Variants in NEDD9 observed in about 807,000 individuals in gnomAD.
NEDD9 encodes enhancer of filamentation 1.
A neutral mutation model predicts 76.6 loss-of-function variants in NEDD9; 26 were observed. The observed-to-expected ratio is 0.34, with a 90% confidence interval of 0.25 to 0.47. The LOEUF (loss-of-function observed/expected upper bound fraction) is 0.47, where lower values mean the gene tolerates loss of function less well. NEDD9 is among the 20% of genes least tolerant of loss of function. NEDD9 has a pLI of 1.00. For missense variants in NEDD9, 937 were observed against 1,058.5 expected (o/e 0.89, Z 1.59); for synonymous variants, 392 against 414.2 (o/e 0.95, Z 0.65).
intron 4 of NEDD9, 71 bp downstream of exon 4, chr6:11,192,274 C>CA: frequency 6.0e-6 from 2 of 334,348 alleles, no homozygotes; most frequent in Non-Finnish European, 1.0e-5. Context: ...CCCACCCTCC[C>CA]AACCCTGCAC....
intron 2 of NEDD9, chr6:11,306,163 C>G: frequency 2.4e-6 from 2 of 824,986 alleles, no homozygotes; most frequent in Non-Finnish European, 4.0e-6. Flanking sequence ...AATCTGAAAA[C>G]AGGAGATAGA....
At chr6:11,348,982 C>T (rs921050625) in intron 1 of NEDD9, among the ~76,000 whole-genome samples, 7 of 152,168 alleles carry the variant, frequency 4.6e-5, no homozygotes, top group Non-Finnish European at 8.8e-5. Flanking sequence ...CCATAGGGAA[C>T]AGACGACCTA....
chr6:11,317,453 G>A (rs920216970), intron 2 of NEDD9, among the ~76,000 whole-genome samples: 1 of 151,730 alleles, frequency 6.6e-6, no homozygotes, highest in Non-Finnish European at 1.5e-5. Flanking sequence ...TAGATAGGAA[G>A]ATGGTAGGAT....
At chr6:11,256,042 A>G (rs1371043005) in intron 3 of NEDD9, among the ~76,000 whole-genome samples, 1 of 152,164 alleles carries the variant, frequency 6.6e-6, no homozygotes, top group Non-Finnish European at 1.5e-5. Context: ...GTCTTGGCCC[A>G]GCAAAGTGAA....
chr6:11,305,128 T>G, intron 3 of NEDD9: 1 of 1,289,296 alleles, frequency 7.8e-7, no homozygotes, highest in Non-Finnish European at 1.0e-6. Flanking sequence ...GCCCAGAGCT[T>G]TTTTATTTGT....
intron 2 of NEDD9, among the ~76,000 whole-genome samples, chr6:11,194,698 A>G (rs1758245813): frequency 6.6e-6 from 1 of 152,222 alleles, no homozygotes; most frequent in African/African-American, 2.4e-5. Context: ...CATCCCCAAC[A>G]GTACCTACGT....
chr6:11,305,195 A>T, intron 3 of NEDD9: 5 of 1,216,912 alleles, frequency 4.1e-6, no homozygotes, highest in Non-Finnish European at 4.3e-6. Flanking sequence ...ATCTCAATAG[A>T]TAAGGGAATT....
At chr6:11,296,621 T>C (rs1397235492) in intron 3 of NEDD9, among the ~76,000 whole-genome samples, 1 of 147,390 alleles carries the variant, frequency 6.8e-6, no homozygotes, top group African/African-American at 2.6e-5. Context: ...TTCCTTCCTT[T>C]CTTTCTTCCT....
At chr6:11,186,603 A>C (rs1389036194) in intron 6 of NEDD9, among the ~76,000 whole-genome samples, 1 of 152,078 alleles carries the variant, frequency 6.6e-6, no homozygotes, top group African/African-American at 2.4e-5. Flanking sequence ...TGAGAGATGC[A>C]CAGCCAGCTT....
intron 1 of NEDD9, among the ~76,000 whole-genome samples, chr6:11,367,629 T>A (rs999435337): frequency 8.5e-5 from 13 of 152,204 alleles, no homozygotes; most frequent in African/African-American, 3.1e-4. Flanking sequence ...AGACTGTCAT[T>A]AGGTTTAGAG....
At position 11,226,800 on chromosome 6, in the gene NEDD9, A is replaced by G. The variant is rs138645333; in HGVS notation, c.12+5704T>C. On this transcript the variant is annotated intron_variant, in intron 1 of 6. Coordinates refer to ENST00000379446, the MANE Select transcript of NEDD9 (RefSeq NM_006403.4). ...TATATAACATCATATAATAGCTGCC[A>G]TTTATTAAATGCCTAATATCTGCTA... 9.4e-4 allele frequency among the ~76,000 whole-genome samples: 143 copies of G among 152,366 alleles called. 2 individuals are homozygous for G. The East Asian group carries it at 0.026, about 28-fold the overall frequency.
At chr6:11,238,990 A>T (rs6457161) in intron 3 of NEDD9, among the ~76,000 whole-genome samples, 3 of 151,754 alleles carry the variant, frequency 2.0e-5, no homozygotes, top group Admixed American at 2.0e-4. Context: ...CAAGACTCCA[A>T]CTCTACAGAA....
intron 2 of NEDD9, among the ~76,000 whole-genome samples, chr6:11,308,533 C>G (rs182289961): frequency 9.5e-4 from 145 of 151,898 alleles, no homozygotes; most frequent in African/African-American, 3.3e-3. Context: ...CTACGCTGGG[C>G]TAATTTTTTG....
At chr6:11,230,201 G>T (rs759431635) in intron 1 of NEDD9, among the ~76,000 whole-genome samples, 4 of 152,168 alleles carry the variant, frequency 2.6e-5, no homozygotes, top group Non-Finnish European at 4.4e-5. Context: ...AAATTATCCT[G>T]CAGGAATACT....
intron 1 of NEDD9, among the ~76,000 whole-genome samples, chr6:11,378,837 T>G (rs1240669674): frequency 6.6e-6 from 1 of 152,194 alleles, no homozygotes; most frequent in African/African-American, 2.4e-5. Flanking sequence ...TGAAAAGGAA[T>G]GCAGATGAAG....
chr6:11,256,175 G>A (rs556021860), intron 3 of NEDD9, among the ~76,000 whole-genome samples: 1 of 152,300 alleles, frequency 6.6e-6, no homozygotes, highest in Non-Finnish European at 1.5e-5. Flanking sequence ...AGAGAGTTAG[G>A]GGAATGTAGG....
In NEDD9 at chr6:11,241,520, A is replaced by G. The variant is rs1759706721; in HGVS notation, c.13-27793T>C. ...TAGATGGGCTGGATTTTCTGTTTCC[A>G]ATCTACTTCCGAGCTTTGCCATTCT... On this transcript the variant is annotated intron_variant, in intron 3 of 3. Coordinates refer to the NEDD9 transcript ENST00000397378. The surrounding 1 kb of genome is among the most constrained non-coding windows in gnomAD (Gnocchi z 4.0). Among the ~76,000 whole-genome samples the G allele has an allele frequency of 6.6e-6, 1 of 152,122 alleles. No homozygotes were observed. Among genetic ancestry groups the G allele is most frequent in the South Asian group, 2.1e-4 (1 of 4,824 alleles).
At chr6:11,200,280 G>T (rs1395362760) in intron 2 of NEDD9, 3 of 457,834 alleles carry the variant, frequency 6.6e-6, no homozygotes, top group Admixed American at 4.7e-5. Flanking sequence ...CCCTTGCACA[G>T]GCTGAAGACA....
intron 2 of NEDD9, among the ~76,000 whole-genome samples, chr6:11,195,274 T>C (rs1010130059): frequency 2.0e-5 from 3 of 152,184 alleles, no homozygotes; most frequent in African/African-American, 4.8e-5. Flanking sequence ...AAAATTTCCA[T>C]CAAGTCTCTC....
Sources: gnomAD v4.1 joint callset for allele counts (sites outside exome capture counted in the v4.1 genomes callset) on GRCh38, gnomAD v4.1.1 for gene constraint, Gnocchi (gnomAD v3.1) non-coding constraint, MANE v1.5 for transcripts, NCBI Gene and HGNC (gene_info 2026-07-23, HGNC 2026-07-21) for gene names.